LRCH3: variants seen among roughly 807,000 people sequenced by gnomAD.
LRCH3 encodes the protein leucine rich repeats and calponin homology domain containing 3.
Under a neutral mutation model 104.5 loss-of-function variants are expected in LRCH3, and 68 were observed. The ratio of observed to expected loss-of-function variants is 0.65; its 90% CI spans 0.54 to 0.80. The LOEUF (loss-of-function observed/expected upper bound fraction) is 0.80. Among genes scored for constraint, LRCH3 ranks in the 30% least tolerant of loss-of-function variants. The pLI is 0.00. For missense variants in LRCH3, 951 were observed against 953.9 expected (o/e 1.00, Z 0.04); for synonymous variants, 344 against 361.3 (o/e 0.95, Z 0.54).
At position 197,871,404 on chromosome 3, in the gene LRCH3, T is replaced by G; in HGVS notation, c.2072T>G (p.Leu691Trp). 1.2e-6 allele frequency: 2 copies of G among 1,614,206 alleles called. No homozygotes were observed. The highest frequency in any genetic ancestry group is 1.1e-5 in the South Asian group (1 of 91,082). The change falls in exon 19 of 21, where the codon TTG (leucine) becomes TGG (tryptophan). Residue 691 changes from leucine (L) to tryptophan (W), a missense_variant. Physicochemically the swap from Leu to Trp is moderately conservative, Grantham distance 61. Coordinates refer to ENST00000425562, the MANE Select transcript of LRCH3 (RefSeq NM_001365715.1). ...ALTDGVVLCH[L>W]ANHVRPRSVP... ...ACTGACGGTGTTGTTCTTTGCCATT[T>G]GGCCAATCATGTGCGACCTCGATCT... is the stretch of plus-strand genomic sequence containing the variant.
chr3:197,829,263 A>G (rs4857593), intron 5 of LRCH3, among the ~76,000 whole-genome samples: 5,814 of 152,296 alleles, frequency 0.038, 368 homozygotes, highest in African/African-American at 0.13. Context: ...TAAATCTCTG[A>G]CTATGCAAAC....
intron 19 of LRCH3, among the ~76,000 whole-genome samples, chr3:197,871,974 T>G (rs1304445619): frequency 6.6e-6 from 1 of 152,204 alleles, no homozygotes; most frequent in Non-Finnish European, 1.5e-5. Flanking sequence ...AAAGGCCTTA[T>G]GAACCGTGTG....
chr3:197,865,401 A>G (rs1741365798), intron 15 of LRCH3, 22 bp from the exon 16 acceptor site: 2 of 1,492,056 alleles, frequency 1.3e-6, no homozygotes. Flanking sequence ...ACAATTATTG[A>G]TATATGTCTG....
chr3:197,831,953 C>T lies in LRCH3; in HGVS notation c.982-244C>T, dbSNP rs13319142. On this transcript the variant is annotated intron_variant, in intron 7 of 20. Transcript: ENST00000425562. Reference sequence around the variant, plus strand: ...TTTTTGAAATAGGATCTCGCTTTGTCGCACAGGCTGGAGTGCAGTGGTGGA... The same window carrying T: ...TTTTTGAAATAGGATCTCGCTTTGTTGCACAGGCTGGAGTGCAGTGGTGGA... Among the ~76,000 whole-genome samples, 1,226 of 152,180 alleles carry T rather than the reference C, an allele frequency of 8.1e-3. 17 individuals are homozygous for T. The highest frequency in any genetic ancestry group is 0.028 in the African/African-American group (1,148 of 41,518).
chr3:197,846,057 A>G (rs1225620584), intron 10 of LRCH3, among the ~76,000 whole-genome samples: 1 of 152,148 alleles, frequency 6.6e-6, no homozygotes, highest in Non-Finnish European at 1.5e-5. Context: ...AAATTTTAAC[A>G]GTGAAATTAG....
At chr3:197,801,199 C>T (rs984973032) in intron 1 of LRCH3, among the ~76,000 whole-genome samples, 8 of 151,422 alleles carry the variant, frequency 5.3e-5, no homozygotes, top group Non-Finnish European at 7.4e-5. Flanking sequence ...ATAATATATA[C>T]GGTGCAAATA....
At chr3:197,801,964 G>A (rs536149547) in intron 1 of LRCH3, among the ~76,000 whole-genome samples, 4 of 152,168 alleles carry the variant, frequency 2.6e-5, no homozygotes, top group Non-Finnish European at 5.9e-5. Context: ...TTCCTTTCTG[G>A]TTGTCAGCCT....
At position 197,883,446 on chromosome 3, in the gene LRCH3, G is replaced by A; in HGVS notation, c.2209-95G>A. The A allele has an allele frequency of 7.0e-7, 1 of 1,426,748 alleles. No individual in the cohort carries two copies. Among genetic ancestry groups the A allele is most frequent in the Non-Finnish European group, 9.2e-7 (1 of 1,082,834 alleles). The allele number at this position is 1,426,748 out of a possible 1,614,324, so 88.4% of individuals were successfully genotyped here. On this transcript the variant is annotated intron_variant, in intron 20 of 20. Transcript: ENST00000425562. The surrounding 1 kb of genome is among the most constrained non-coding windows in gnomAD (Gnocchi z 4.2). ...AATTTTCATATCTAAGTTGATGATT[G>A]TGAAGGGGAGAAGTGCTTATTTTTT...
At chr3:197,847,611 C>G in intron 11 of LRCH3, 151 bp downstream of exon 11, 2 of 230,436 alleles carry the variant, frequency 8.7e-6, no homozygotes, top group South Asian at 2.4e-4. Flanking sequence ...GTGATACTTG[C>G]TAACAGTGTT....
At chr3:197,817,375 T>C in intron 3 of LRCH3, 73 bp downstream of exon 3, 1 of 74,696 alleles carries the variant, frequency 1.3e-5, no homozygotes, top group Non-Finnish European at 1.7e-5. Flanking sequence ...TATATATATA[T>C]ATATGAAACC....
chr3:197,850,994 A>AT (rs1739515968), intron 12 of LRCH3: 2 of 776,060 alleles, frequency 2.6e-6, no homozygotes, highest in South Asian at 1.3e-5. Context: ...GAAAGAGCCC[A>AT]TTTTTTCTTT....
chr3:197,801,892 T>C (rs1731938881), intron 1 of LRCH3, among the ~76,000 whole-genome samples: 1 of 152,198 alleles, frequency 6.6e-6, no homozygotes, highest in Non-Finnish European at 1.5e-5. Flanking sequence ...ACAGTTTGCT[T>C]ACAAGTTCAT....
intron 20 of LRCH3, chr3:197,881,013 A>G: frequency 1.6e-6 from 2 of 1,241,244 alleles, no homozygotes; most frequent in Middle Eastern, 3.3e-4. Flanking sequence ...TTTTACTAAT[A>G]CAATTCTGAA....
intron 8 of LRCH3, among the ~76,000 whole-genome samples, chr3:197,834,330 A>G (rs1736394134): frequency 6.6e-6 from 1 of 152,254 alleles, no homozygotes; most frequent in Non-Finnish European, 1.5e-5. Context: ...CATTTTGAGA[A>G]GAAGAAACTC....
At position 197,854,987 on chromosome 3, in the gene LRCH3, G is replaced by T. The variant is rs916549273; in HGVS notation, c.1644+542G>T. ...TGTTGAACACTGGCTTACTTTTATT[G>T]CCTGTTTCATCAGCTCAAAATGAGT... On this transcript the variant is annotated intron_variant, in intron 14 of 20. Transcript: ENST00000425562. This position sits in a 1 kb window ranked among gnomAD's most constrained non-coding sequence, Gnocchi z 4.5. Among the ~76,000 whole-genome samples the T allele has an allele frequency of 6.6e-6, 1 of 152,074 alleles. No homozygotes were observed. Among genetic ancestry groups the T allele is most frequent in the African/African-American group, 2.4e-5 (1 of 41,412 alleles).
At chr3:197,833,532 T>C (rs899230903) in intron 8 of LRCH3, among the ~76,000 whole-genome samples, 4 of 151,980 alleles carry the variant, frequency 2.6e-5, no homozygotes, top group African/African-American at 9.7e-5. Context: ...AATGAGACTG[T>C]ATCTCGAAAA....
At position 197,858,869 on chromosome 3, in the gene LRCH3, T is replaced by TA. The variant is rs1357957531; in HGVS notation, c.1681dup (p.Thr561AsnfsTer12). On this transcript the variant is annotated frameshift_variant, in exon 15 of 21. Transcript: ENST00000425562. LOFTEE classifies it high-confidence loss of function. Reference sequence around the variant, plus strand: ...GGTTGAATCAAGTGGGCTGTGCTGCTACCCTGCCTCATTCTTCTGCCTTCA... The same window carrying TA: ...GGTTGAATCAAGTGGGCTGTGCTGCTAACCCTGCCTCATTCTTCTGCCTTCA... The TA allele has an allele frequency of 1.9e-6, 3 of 1,613,926 alleles. No homozygotes were observed. Among genetic ancestry groups the TA allele is most frequent in the African/African-American group, 2.7e-5 (2 of 74,944 alleles).
chr3:197,866,437 A>G (rs1281012216), intron 17 of LRCH3, among the ~76,000 whole-genome samples: 1 of 152,230 alleles, frequency 6.6e-6, no homozygotes, highest in Non-Finnish European at 1.5e-5. Context: ...AAAGCAGGTT[A>G]TAGAGTGTTT....
intron 9 of LRCH3, among the ~76,000 whole-genome samples, chr3:197,838,337 T>C (rs1737210753): frequency 6.6e-6 from 1 of 152,248 alleles, no homozygotes; most frequent in Admixed American, 6.5e-5. Context: ...TTGTAGTTTA[T>C]TATTTGGGAT....
Sources: allele counts gnomAD v4.1 joint callset (sites outside exome capture counted in the v4.1 genomes callset), GRCh38; gene constraint gnomAD v4.1.1; non-coding constraint Gnocchi (gnomAD v3.1); transcripts MANE v1.5; gene names NCBI Gene and HGNC (gene_info 2026-07-23, HGNC 2026-07-21).